Variants in NF2 observed in about 807,000 individuals in gnomAD.
The protein encoded by NF2 is NF2, moesin-ezrin-radixin like (MERLIN) tumor suppressor, also known as merlin.
Under a neutral mutation model 83.7 loss-of-function variants are expected in NF2, and 8 were observed. The observed-to-expected ratio is 0.10, with a 90% confidence interval of 0.06 to 0.17. The LOEUF (loss-of-function observed/expected upper bound fraction) is 0.17. Among genes scored for constraint, NF2 ranks in the 10% least tolerant of loss-of-function variants. The pLI, the probability that NF2 is intolerant of heterozygous loss-of-function variation, is 1.00. For synonymous variants in NF2, 266 were observed against 269.6 expected, an observed-to-expected ratio of 0.99 and a Z score of 0.13; for missense variants, 533 against 744.4, an observed-to-expected ratio of 0.72 and a Z score of 3.31.
At chr22:29,646,941 C>A (rs1268992291) in intron 4 of NF2, among the ~76,000 whole-genome samples, 1 of 149,982 alleles carries the variant, frequency 6.7e-6, no homozygotes, top group East Asian at 2.0e-4. Flanking sequence ...GAGGCTGAGA[C>A]AGGAGGATTG....
chr22:29,672,002 T>A, intron 11 of NF2, 54 bp downstream of exon 11: 1 of 1,613,176 alleles, frequency 6.2e-7, no homozygotes, highest in East Asian at 2.2e-5. Flanking sequence ...TTCCTTGGCT[T>A]TTCTGGAGCT....
chr22:29,648,254 A>G (rs2066041883), intron 4 of NF2, among the ~76,000 whole-genome samples: 1 of 152,216 alleles, frequency 6.6e-6, no homozygotes, highest in African/African-American at 2.4e-5. Context: ...AAAAATCTTA[A>G]GTTGATAAAA....
At chr22:29,663,251 A>G (rs1006830224) in intron 8 of NF2, among the ~76,000 whole-genome samples, 3 of 152,188 alleles carry the variant, frequency 2.0e-5, no homozygotes, top group African/African-American at 7.2e-5. Context: ...GCACGTCCAC[A>G]CATTTGTGTG....
chr22:29,675,252 C>A (rs1289245972), intron 13 of NF2, among the ~76,000 whole-genome samples: 3 of 152,150 alleles, frequency 2.0e-5, no homozygotes, highest in Non-Finnish European at 4.4e-5. Flanking sequence ...TGCTCTCTTG[C>A]CTCTTAATGC....
intron 11 of NF2, 56 bp downstream of exon 11, chr22:29,672,004 T>C: frequency 1.9e-6 from 3 of 1,613,234 alleles, no homozygotes; most frequent in Non-Finnish European, 8.5e-7. Flanking sequence ...CCTTGGCTTT[T>C]CTGGAGCTTG....
intron 1 of NF2, among the ~76,000 whole-genome samples, chr22:29,624,128 C>A (rs573105359): frequency 6.6e-6 from 1 of 152,284 alleles, no homozygotes; most frequent in East Asian, 1.9e-4. Flanking sequence ...TCCCAAGTGA[C>A]CTTGAACTTA....
At position 29,697,818 on chromosome 22, in the gene NF2, G is replaced by A. The variant is rs945125530; in HGVS notation, c.*3016G>A. On this transcript the variant is annotated 3_prime_UTR_variant, in exon 16 of 16. Coordinates refer to ENST00000338641, the MANE Select transcript of NF2 (RefSeq NM_000268.4). ...CGACCTCAGGTGATCTGCCCACCTC[G>A]GCCTCCCAAAGTGCTGGGATTACAG... 9 of 182,870 alleles carry A rather than the reference G, an allele frequency of 4.9e-5. No individual in the cohort carries two copies. Among genetic ancestry groups the A allele is most frequent in the Admixed American group, 3.1e-4 (5 of 15,998 alleles). 11.3% of individuals were successfully genotyped at this position (182,870 alleles called of 1,614,324 possible).
intron 11 of NF2, among the ~76,000 whole-genome samples, chr22:29,672,952 C>T (rs1019350522): frequency 2.6e-5 from 4 of 152,196 alleles, no homozygotes; most frequent in East Asian, 1.9e-4. Context: ...ACAAAAAACT[C>T]CTCTGGTTCT....
At chr22:29,681,315 A>T in intron 14 of NF2, 124 bp from the exon 15 acceptor site, 1 of 1,131,536 alleles carries the variant, frequency 8.8e-7, no homozygotes, top group Non-Finnish European at 1.3e-6. Flanking sequence ...GTGGCCAAGT[A>T]GAGACGTGAA....
intron 15 of NF2, among the ~76,000 whole-genome samples, chr22:29,681,845 A>G (rs1356706890): frequency 6.6e-6 from 1 of 152,178 alleles, no homozygotes; most frequent in African/African-American, 2.4e-5. Flanking sequence ...CCCCTGTTAC[A>G]GGGTGGATTT....
intron 1 of NF2, among the ~76,000 whole-genome samples, chr22:29,614,360 C>T (rs1009869796): frequency 5.7e-4 from 87 of 151,984 alleles, no homozygotes; most frequent in African/African-American, 1.9e-3. Context: ...GGGTGGCTCA[C>T]GAGGTCAGGA....
chr22:29,695,338 TC>T lies in NF2; in HGVS notation c.*537del. 1 of 263,708 alleles carries T rather than the reference TC, an allele frequency of 3.8e-6. No homozygotes were observed. The highest frequency in any genetic ancestry group is 7.4e-6 in the Non-Finnish European group (1 of 134,950). 16.3% of individuals were successfully genotyped at this position (263,708 alleles called of 1,614,324 possible). Reference sequence around the variant, plus strand: ...CATCGTCAGGGAGCCCGCCCAGAGCTCGTGACGAGCAAGTGCTGGGTCCCCG... The same window carrying T: ...CATCGTCAGGGAGCCCGCCCAGAGCTGTGACGAGCAAGTGCTGGGTCCCCG... On this transcript the variant is annotated 3_prime_UTR_variant, in exon 16 of 16. Transcript: ENST00000338641. The surrounding 1 kb of genome is among the most constrained non-coding windows in gnomAD (Gnocchi z 5.4).
chr22:29,643,411 G>C (rs2065868689), intron 4 of NF2, among the ~76,000 whole-genome samples: 1 of 152,038 alleles, frequency 6.6e-6, no homozygotes, highest in Non-Finnish European at 1.5e-5. Flanking sequence ...AAAGGTCTCT[G>C]GTTTTCCTAG....
Position 29,694,218 on chromosome 22 carries a change from G to A in NF2, c.1738-534G>A, listed in dbSNP as rs763245886. On this transcript the variant is annotated intron_variant, in intron 15 of 15. Transcript: ENST00000338641. This position sits in a 1 kb window ranked among gnomAD's most constrained non-coding sequence, Gnocchi z 4.1. ...GCCACGTCATGAGCAAGTTTGCTTC[G>A]GGACCACCTGGGAAACCAGGAGTAG... is the stretch of plus-strand genomic sequence containing the variant. Among the ~76,000 whole-genome samples the A allele has an allele frequency of 1.3e-4, 20 of 152,226 alleles. No homozygotes were observed. Among genetic ancestry groups the A allele is most frequent in the Non-Finnish European group, 1.8e-4 (12 of 68,042 alleles).
intron 3 of NF2, among the ~76,000 whole-genome samples, chr22:29,641,185 C>G (rs1023506254): frequency 7.3e-5 from 11 of 150,896 alleles, no homozygotes; most frequent in Admixed American, 2.7e-4. Context: ...TTTTTCCCCC[C>G]TCTCTTTGGA....
intron 1 of NF2, among the ~76,000 whole-genome samples, chr22:29,625,405 T>C (rs990936184): frequency 1.3e-5 from 2 of 152,238 alleles, no homozygotes; most frequent in Admixed American, 1.3e-4. Flanking sequence ...CTCCAGTTAT[T>C]CATGCTAGTT....
At chr22:29,635,332 T>TTTTG (rs1048124344) in intron 1 of NF2, among the ~76,000 whole-genome samples, 6 of 152,124 alleles carry the variant, frequency 3.9e-5, no homozygotes, top group Non-Finnish European at 7.4e-5. Context: ...CCCTAAGATT[T>TTTTG]TTTGTTTGTT....
intron 15 of NF2, among the ~76,000 whole-genome samples, chr22:29,688,657 G>A (rs948855713): frequency 2.6e-5 from 4 of 152,254 alleles, no homozygotes; most frequent in African/African-American, 7.2e-5. Flanking sequence ...GGCAGCTTTT[G>A]CTGCTTTGGG....
chr22:29,635,572 C>T (rs2065627251), intron 1 of NF2, among the ~76,000 whole-genome samples: 2 of 152,166 alleles, frequency 1.3e-5, no homozygotes, highest in Admixed American at 6.5e-5. Context: ...TCATGATTCG[C>T]CTGCCTCAGC....
Sources: allele counts gnomAD v4.1 joint callset (sites outside exome capture counted in the v4.1 genomes callset), GRCh38; gene constraint gnomAD v4.1.1; non-coding constraint Gnocchi (gnomAD v3.1); transcripts MANE v1.5; gene names NCBI Gene and HGNC (gene_info 2026-07-23, HGNC 2026-07-21).